KIF15: variants seen among roughly 807,000 people sequenced by gnomAD.
KIF15 encodes the protein kinesin family member 15, also known as kinesin-like protein KIF15.
Under a neutral mutation model 190.6 loss-of-function variants are expected in KIF15, and 140 were observed. That is an observed-to-expected ratio of 0.73 (90% confidence interval 0.64 to 0.84). KIF15 has a LOEUF of 0.84. Ranked by LOEUF, KIF15 falls within the 40% of genes least tolerant of loss-of-function variation. KIF15 has a pLI of 0.00. For missense variants in KIF15, 1,372 were observed against 1,584.4 expected, an observed-to-expected ratio of 0.87 and a Z score of 2.28; for synonymous variants, 528 against 551.3, an observed-to-expected ratio of 0.96 and a Z score of 0.59.
chr3:44,848,622 T>C, intron 32 of KIF15, 64 bp downstream of exon 32: 2 of 740,152 alleles, frequency 2.7e-6, no homozygotes, highest in Non-Finnish European at 4.4e-6. Flanking sequence ...TCTAAAGGAA[T>C]GATATACCAC....
chr3:44,864,177 A>C, intron 6 of KIF15: 1 of 1,613,098 alleles, frequency 6.2e-7, no homozygotes, highest in Non-Finnish European at 8.5e-7. Flanking sequence ...ACGTGGCTGC[A>C]GTGACACTTT....
chr3:44,838,946 G>A (rs1698460046), intron 27 of KIF15, among the ~76,000 whole-genome samples: 1 of 152,096 alleles, frequency 6.6e-6, no homozygotes, highest in African/African-American at 2.4e-5. Flanking sequence ...CTCCAGTGAG[G>A]TTATGCCTGA....
At chr3:44,774,350 C>T (rs1483135536) in intron 1 of KIF15, 45 bp from the exon 2 acceptor site, 1 of 1,551,334 alleles carries the variant, frequency 6.4e-7, no homozygotes, top group South Asian at 1.1e-5. Flanking sequence ...ATAGGATTTC[C>T]ATATTACAAT....
intron 10 of KIF15, chr3:44,799,334 T>C: frequency 2.2e-6 from 1 of 456,696 alleles, no homozygotes; most frequent in Non-Finnish European, 4.4e-6. Flanking sequence ...CCAGAGTATC[T>C]GGGACTTGTT....
rs201225655 is a variant in KIF15, at chr3:44,786,535, G to A, written c.600G>A (p.Ala200=). 7.8e-5 allele frequency: 125 copies of A among 1,612,606 alleles called. No individual in the cohort carries two copies. The South Asian group carries it at 1.0e-3, about 13-fold the overall frequency. ...AGAAGGGAGTCTTTGTTGTTGGTGCGGTGGAGCAGGTGGTAACCTCAGCTG... is the reference window on the plus strand; with the variant it reads ...AGAAGGGAGTCTTTGTTGTTGGTGCAGTGGAGCAGGTGGTAACCTCAGCTG... The part of the protein sequence containing the change: ...HIKKGVFVVG[A]VEQVVTSAAE... Residue 200 remains alanine, a synonymous_variant, in exon 7 of 35, where the codon GCG becomes GCA. Transcript: ENST00000326047.
chr3:44,812,389 T>A, intron 18 of KIF15, 100 bp downstream of exon 18: 1 of 795,300 alleles, frequency 1.3e-6, no homozygotes, highest in African/African-American at 1.7e-5. Context: ...TGAGTATGCA[T>A]GAAACATATT....
chr3:44,861,825 GGCGTCACAGGAGCGTC>G (rs1699251612), intron 6 of KIF15: 2 of 1,304,018 alleles, frequency 1.5e-6, no homozygotes, highest in South Asian at 1.3e-5. Context: ...GCCGGAGCGT[GGCGTCACAGGAGCGTC>G]GCGTCACGTG....
At chr3:44,803,504 A>G (rs1262372599) in intron 14 of KIF15, among the ~76,000 whole-genome samples, 1 of 152,228 alleles carries the variant, frequency 6.6e-6, no homozygotes, top group Non-Finnish European at 1.5e-5. Flanking sequence ...ATAAGTTTGC[A>G]TACTATGTGA....
chr3:44,801,261 CAAGA>C (rs1707265059), intron 11 of KIF15, among the ~76,000 whole-genome samples, 185 bp from the exon 12 acceptor site: 7 of 151,544 alleles, frequency 4.6e-5, no homozygotes, highest in Admixed American at 6.6e-5. Flanking sequence ...CTGCTGACCT[CAAGA>C]AAGATATCCG....
intron 24 of KIF15, among the ~76,000 whole-genome samples, chr3:44,829,033 G>T (rs750722845): frequency 1.3e-4 from 19 of 147,810 alleles, no homozygotes; most frequent in Non-Finnish European, 2.4e-4. Context: ...GCGAAACTCT[G>T]TCTCAAAAAA....
intron 16 of KIF15, among the ~76,000 whole-genome samples, chr3:44,806,737 G>GTTCTT (rs562228999): frequency 5.9e-5 from 9 of 152,026 alleles, no homozygotes; most frequent in African/African-American, 1.7e-4. Flanking sequence ...TTGAATTCAA[G>GTTCTT]TTCTTTTCTT....
intron 16 of KIF15, among the ~76,000 whole-genome samples, chr3:44,808,907 A>G (rs1030302353): frequency 2.0e-5 from 3 of 152,212 alleles, no homozygotes; most frequent in Non-Finnish European, 4.4e-5. Flanking sequence ...GGATCTTTCC[A>G]TATTAACTGG....
intron 6 of KIF15, chr3:44,862,766 A>C (rs906120816): frequency 6.6e-6 from 1 of 151,788 alleles, no homozygotes; most frequent in East Asian, 2.0e-4. Context: ...TCTGCTTGCT[A>C]TAGGGGTTTC....
intron 20 of KIF15, among the ~76,000 whole-genome samples, chr3:44,818,374 TG>T (rs1187193769): frequency 6.6e-6 from 1 of 152,186 alleles, no homozygotes; most frequent in Non-Finnish European, 1.5e-5. Context: ...ATATTGGCTG[TG>T]GGTTTGTCAT....
In KIF15 at chr3:44,802,837, A is replaced by C; in HGVS notation, c.1533A>C (p.Ala511=). ...AGATAGAGCACCACCCCAGAGTTGC[A>C]AAGTATGCTATGGAAAATCATTCCC... The part of the protein sequence containing the change: ...REQIEHHPRV[A]KYAMENHSLR... The change falls in exon 14 of 35, where the codon GCA becomes GCC. Residue 511 remains alanine (A), a synonymous_variant. Coordinates refer to ENST00000326047, the MANE Select transcript of KIF15 (RefSeq NM_020242.3). 2 of 1,590,330 alleles carry C rather than the reference A, an allele frequency of 1.3e-6. No homozygotes were observed. Among genetic ancestry groups the C allele is most frequent in the Non-Finnish European group, 1.7e-6 (2 of 1,173,602 alleles).
chr3:44,832,767 C>T (rs953850064), intron 26 of KIF15, among the ~76,000 whole-genome samples: 2 of 152,050 alleles, frequency 1.3e-5, no homozygotes, highest in African/African-American at 4.8e-5. Context: ...GTAATCCCAG[C>T]ATTTTGGGAG....
At chr3:44,817,833 A>G (rs1708095756) in intron 20 of KIF15, among the ~76,000 whole-genome samples, 1 of 152,208 alleles carries the variant, frequency 6.6e-6, no homozygotes, top group South Asian at 2.1e-4. Flanking sequence ...TATCTTGGGC[A>G]GTATGGCCAT....
Position 44,809,733 on chromosome 3 carries a change from C to T in KIF15, c.1972-1113C>T, listed in dbSNP as rs1707702445. 2.6e-5 allele frequency among the ~76,000 whole-genome samples: 4 copies of T among 151,978 alleles called. No homozygotes were observed. The South Asian group carries it at 8.3e-4, about 32-fold the overall frequency. ...AAGCATGGTGGTGTGCACCTTTGGT[C>T]TCAACTACTCCTGATACCTAAAATT... is the stretch of plus-strand genomic sequence containing the variant. On this transcript the variant is annotated intron_variant, in intron 16 of 34. Coordinates refer to ENST00000326047, the MANE Select transcript of KIF15 (RefSeq NM_020242.3).
intron 7 of KIF15, among the ~76,000 whole-genome samples, chr3:44,788,450 T>G (rs1231482382): frequency 6.6e-6 from 1 of 152,018 alleles, no homozygotes; most frequent in Non-Finnish European, 1.5e-5. Flanking sequence ...CTTTTTTCTT[T>G]TTTTCTTTTT....
Sources: gnomAD v4.1 joint callset for allele counts (sites outside exome capture counted in the v4.1 genomes callset) on GRCh38, gnomAD v4.1.1 for gene constraint, MANE v1.5 for transcripts, NCBI Gene and HGNC (gene_info 2026-07-23, HGNC 2026-07-21) for gene names.